Variants in ZNF729 observed in about 807,000 individuals in gnomAD.
ZNF729 encodes zinc finger protein 729.
A neutral mutation model predicts 12.2 loss-of-function variants in ZNF729; 15 were observed. The ratio of observed to expected loss-of-function variants is 1.23; its 90% CI spans 0.82 to 1.89. The LOEUF is 1.89. Among genes scored for constraint, ZNF729 ranks in the 40% most tolerant of loss-of-function variants. The pLI is 0.00. For missense variants in ZNF729, 1,540 were observed against 1,456.7 expected (o/e 1.06, Z -0.93); for synonymous variants, 492 against 476.3 (o/e 1.03, Z -0.43).
At chr19:22,293,640 C>T (rs959646019) in intron 1 of ZNF729, among the ~76,000 whole-genome samples, 4 of 151,470 alleles carry the variant, frequency 2.6e-5, no homozygotes, top group Non-Finnish European at 2.9e-5. Context: ...TTATAGGTGT[C>T]CACCACCACA....
intron 3 of ZNF729, among the ~76,000 whole-genome samples, chr19:22,306,964 T>C (rs1377066800): frequency 2.0e-5 from 3 of 151,884 alleles, no homozygotes; most frequent in Admixed American, 2.0e-4. Context: ...TATGTGTCTG[T>C]ATATTTACAT....
Position 22,315,062 on chromosome 19 carries a change from T to G in ZNF729, c.1645T>G (p.Cys549Gly). ...AGAGAAACCCTACAAATGTGAAGAA[T>G]GTGGTAAAGCTTTTAAGTGGTCATC... ...TGEKPYKCEE[C>G]GKAFKWSSKL... The change falls in exon 4 of 4, where the codon TGT (cysteine) becomes GGT (glycine). Residue 549 changes from cysteine to glycine, a missense_variant. Transcript: ENST00000601693. 1 of 1,611,374 alleles carries G rather than the reference T, an allele frequency of 6.2e-7. No homozygotes were observed. Among genetic ancestry groups the G allele is most frequent in the Admixed American group, 1.7e-5 (1 of 59,976 alleles).
intron 3 of ZNF729, among the ~76,000 whole-genome samples, chr19:22,305,923 C>T (rs1286135512): frequency 6.6e-6 from 1 of 151,998 alleles, no homozygotes; most frequent in African/African-American, 2.4e-5. Context: ...CTAGTTTCAA[C>T]CTCTTAAGTA....
In ZNF729 at chr19:22,315,452, A is replaced by T. The variant is rs1968518752; in HGVS notation, c.2035A>T (p.Thr679Ser). ...CCTTAGAAGACATAAGATAATTCAT[A>T]CTGGAAAGAAACCGTACAAATGTGA... is the stretch of plus-strand genomic sequence containing the variant. ...SALRRHKIIH[T>S]GKKPYKCEEC... The change falls in exon 4 of 4, where the codon ACT becomes TCT. Residue 679 changes from threonine (T) to serine (S), a missense_variant. Physicochemically the swap from Thr to Ser is moderately conservative, Grantham distance 58. Transcript: ENST00000601693. 1.9e-6 allele frequency: 3 copies of T among 1,612,792 alleles called. No homozygotes were observed. The highest frequency in any genetic ancestry group is 2.5e-6 in the Non-Finnish European group (3 of 1,179,756).
chr19:22,311,152 T>G (rs1378115989), intron 3 of ZNF729, among the ~76,000 whole-genome samples: 1 of 152,142 alleles, frequency 6.6e-6, no homozygotes, highest in Non-Finnish European at 1.5e-5. Context: ...TTTGTTTCAT[T>G]TATCTTTTGG....
In ZNF729 at chr19:22,314,810, T is replaced by C. The variant is rs760445446; in HGVS notation, c.1393T>C (p.Cys465Arg). 2.5e-6 allele frequency: 4 copies of C among 1,613,744 alleles called. No individual in the cohort carries two copies. The highest frequency in any genetic ancestry group is 4.5e-5 in the East Asian group (2 of 44,846). Residue 465 changes from cysteine (C) to arginine (R), a missense_variant, in exon 4 of 4, where the codon TGT becomes CGT. Transcript: ENST00000601693. ...TGEKPYKCEE[C>R]GKAFRQSSHL... ...GGAGAAACCATACAAATGTGAAGAA[T>C]GTGGCAAAGCTTTTAGGCAATCCTC...
chr19:22,316,857 T>C lies in ZNF729; in HGVS notation c.3440T>C (p.Leu1147Pro). 6.2e-7 allele frequency: 1 copy of C among 1,612,930 alleles called. No homozygotes were observed. Among genetic ancestry groups the C allele is most frequent in the Non-Finnish European group, 8.5e-7 (1 of 1,179,912 alleles). ...CGKAFSQSSI[L>P]TKHKIIHSVE... ...AAAGCCTTTAGTCAGTCCTCAATCC[T>C]TACTAAACATAAGATAATTCATTCT... Residue 1147 changes from leucine (L) to proline (P), a missense_variant, in exon 4 of 4, where the codon CTT becomes CCT. By Grantham distance (98) the Leu-to-Pro change is moderately conservative. Coordinates refer to ENST00000601693, the MANE Select transcript of ZNF729 (RefSeq NM_001242680.2).
At chr19:22,310,483 T>G in intron 3 of ZNF729, among the ~76,000 whole-genome samples, 1 of 152,154 alleles carries the variant, frequency 6.6e-6, no homozygotes, top group Non-Finnish European at 1.5e-5. Context: ...TTTTATTCCT[T>G]TCTATGTGGT....
intron 1 of ZNF729, among the ~76,000 whole-genome samples, chr19:22,294,403 G>C (rs1382371709): frequency 6.6e-6 from 1 of 152,048 alleles, no homozygotes; most frequent in Non-Finnish European, 1.5e-5. Context: ...GTAATGTAAC[G>C]CCTCCAGCTT....
At position 22,303,836 on chromosome 19, in the gene ZNF729, T is replaced by A; in HGVS notation, c.109T>A (p.Leu37Ile). ...WQCLDTVQQN[L>I]YRDVMLENYR... ...ATGCCTGGACACGGTTCAGCAGAAT[T>A]TATATAGGGATGTGATGTTAGAGAA... is the stretch of plus-strand genomic sequence containing the variant. Residue 37 changes from leucine to isoleucine, a missense_variant, in exon 2 of 4, where the codon TTA becomes ATA. Transcript: ENST00000601693. 1.3e-6 allele frequency: 2 copies of A among 1,575,216 alleles called. No homozygotes were observed. Among genetic ancestry groups the A allele is most frequent in the Non-Finnish European group, 1.7e-6 (2 of 1,155,922 alleles).
chr19:22,288,227 TTTG>T (rs1269236246), intron 1 of ZNF729, among the ~76,000 whole-genome samples: 1 of 152,122 alleles, frequency 6.6e-6, no homozygotes, highest in Non-Finnish European at 1.5e-5. Flanking sequence ...TTTCCTAATA[TTTG>T]TTTTCTGTTT....
chr19:22,313,602 G>A, intron 3 of ZNF729, 69 bp from the exon 4 acceptor site: 1 of 1,336,206 alleles, frequency 7.5e-7, no homozygotes, highest in East Asian at 2.7e-5. Flanking sequence ...AATTTTATAG[G>A]TTAGATTTGT....
At chr19:22,286,634 C>T in intron 1 of ZNF729, 79 bp downstream of exon 1, 2 of 1,564,392 alleles carry the variant, frequency 1.3e-6, no homozygotes, top group East Asian at 2.2e-5. Context: ...GGCGGGACTC[C>T]GGCCTCCCCG....
chr19:22,296,922 A>G (rs781547131), intron 1 of ZNF729, among the ~76,000 whole-genome samples: 9 of 132,706 alleles, frequency 6.8e-5, no homozygotes, highest in Non-Finnish European at 1.6e-4. Context: ...ATTGAATTGT[A>G]ATTTTGTCAA....
At position 22,313,942 on chromosome 19, in the gene ZNF729, T is replaced by TA; in HGVS notation, c.530dup (p.Lys178GlufsTer9). 1 of 1,534,972 alleles carries TA rather than the reference T, an allele frequency of 6.5e-7. No individual in the cohort carries two copies. The highest frequency in any genetic ancestry group is 2.4e-5 in the East Asian group (1 of 40,842). The stretch of plus-strand genomic sequence containing the variant: ...CAAATAGAAATAAGGTTAGACACAC[T>TA]AAAAAGAAAACTTTCAAATGTATAA... On this transcript the variant is annotated frameshift_variant, in exon 4 of 4. Coordinates refer to ENST00000601693, the MANE Select transcript of ZNF729 (RefSeq NM_001242680.2). LOFTEE classifies it low-confidence loss of function (END_TRUNC).
intron 3 of ZNF729, among the ~76,000 whole-genome samples, chr19:22,310,821 C>T (rs1361810468): frequency 6.6e-6 from 1 of 152,078 alleles, no homozygotes; most frequent in Non-Finnish European, 1.5e-5. Context: ...CTGTCTGGTC[C>T]TAGACTTTTT....
At chr19:22,305,857 A>G (rs113675059) in intron 3 of ZNF729, among the ~76,000 whole-genome samples, 3,840 of 152,144 alleles carry the variant, frequency 0.025, 154 homozygotes, top group African/African-American at 0.087. Flanking sequence ...CTGGTTTGCA[A>G]TGGTGTGATC....
chr19:22,309,892 T>C (rs1968430212), intron 3 of ZNF729, among the ~76,000 whole-genome samples: 1 of 152,028 alleles, frequency 6.6e-6, no homozygotes, highest in Admixed American at 6.6e-5. Flanking sequence ...TTTAGCAGTG[T>C]TTCATAGTTT....
rs1310785122 is a variant in ZNF729 at position 22,298,789 on chromosome 19, C to T, written c.31-4969C>T. Among the ~76,000 whole-genome samples the T allele has an allele frequency of 8.5e-5, 13 of 152,330 alleles. No homozygotes were observed. The East Asian group carries it at 2.5e-3, about 29-fold the overall frequency. On this transcript the variant is annotated intron_variant, in intron 1 of 3. Coordinates refer to ENST00000601693, the MANE Select transcript of ZNF729 (RefSeq NM_001242680.2). ...TTGGCCTTCCAAAGTGCTGGGATTA[C>T]AGGCATGAGCCACCATGCCCAGCCT...
Sources: allele counts gnomAD v4.1 joint callset (sites outside exome capture counted in the v4.1 genomes callset), GRCh38; gene constraint gnomAD v4.1.1; transcripts MANE v1.5; gene names NCBI Gene and HGNC (gene_info 2026-07-23, HGNC 2026-07-21).